Variants in RAB3IP observed in about 807,000 individuals in gnomAD.
RAB3IP encodes the protein rab-3A-interacting protein.
A neutral mutation model predicts 59.1 loss-of-function variants in RAB3IP; 36 were observed. The ratio of observed to expected loss-of-function variants is 0.61; its 90% CI spans 0.47 to 0.80. RAB3IP has a LOEUF of 0.80. Ranked by LOEUF, RAB3IP falls within the 30% of genes least tolerant of loss-of-function variation. The pLI, the probability that RAB3IP is intolerant of heterozygous loss-of-function variation, is 0.00. For missense variants in RAB3IP, 511 were observed against 536.0 expected, an observed-to-expected ratio of 0.95 and a Z score of 0.46; for synonymous variants, 207 against 191.2, an observed-to-expected ratio of 1.08 and a Z score of -0.68.
At chr12:69,742,916 C>G (rs1386770959) in intron 1 of RAB3IP, among the ~76,000 whole-genome samples, 1 of 152,148 alleles carries the variant, frequency 6.6e-6, no homozygotes, top group Non-Finnish European at 1.5e-5. Context: ...AATTAGATAA[C>G]TATAGCCGTA....
In RAB3IP at chr12:69,817,456, C is replaced by A. The variant is rs556667714; in HGVS notation, c.*2010C>A. 2.0e-5 allele frequency: 3 copies of A among 150,132 alleles called. No homozygotes were observed. The highest frequency in any genetic ancestry group is 1.9e-4 in the East Asian group (1 of 5,172). The allele number at this position is 150,132 out of a possible 1,614,324, so 9.3% of individuals were successfully genotyped here. ...AAACTGGAAGCAGGAAAAAAAAAAA[C>A]CATAAAAGATAACCATAAAAGAATA... is the stretch of plus-strand genomic sequence containing the variant. On this transcript the variant is annotated 3_prime_UTR_variant, in exon 11 of 11. Coordinates refer to ENST00000247833, the MANE Select transcript of RAB3IP (RefSeq NM_022456.5).
At chr12:69,811,024 G>T (rs7315712) in intron 8 of RAB3IP, among the ~76,000 whole-genome samples, 47,184 of 151,966 alleles carry the variant, frequency 0.31, 7,873 homozygotes, top group Non-Finnish European at 0.37. Flanking sequence ...TTTAAGAAAC[G>T]CTATACACCA....
chr12:69,739,636 G>A lies in RAB3IP; in HGVS notation c.-26+605G>A, dbSNP rs1887074396. 3 of 602,470 alleles carry A rather than the reference G, an allele frequency of 5.0e-6. No individual in the cohort carries two copies. The East Asian group carries it at 8.4e-5, about 17-fold the overall frequency. The allele number at this position is 602,470 out of a possible 1,614,324, so 37.3% of individuals were successfully genotyped here. On this transcript the variant is annotated intron_variant, in intron 1 of 10. Coordinates refer to ENST00000247833, the MANE Select transcript of RAB3IP (RefSeq NM_022456.5). ...GGTGAAACCTGGTGGGAAATTCCGG[G>A]CAGGCGCCCGGAGTCGCGCCCAAGT...
chr12:69,799,099 A>C (rs1440501139), intron 6 of RAB3IP, among the ~76,000 whole-genome samples: 1 of 152,236 alleles, frequency 6.6e-6, no homozygotes, highest in Admixed American at 6.5e-5. Flanking sequence ...CTTTGATTCA[A>C]GGAATTTATG....
intron 1 of RAB3IP, among the ~76,000 whole-genome samples, chr12:69,754,610 T>C (rs1402065066): frequency 6.6e-6 from 1 of 152,182 alleles, no homozygotes; most frequent in African/African-American, 2.4e-5. Context: ...TTGTAAATTC[T>C]TGAAAAATGC....
At chr12:69,781,773 G>T (rs1874763660) in intron 3 of RAB3IP, among the ~76,000 whole-genome samples, 1 of 152,166 alleles carries the variant, frequency 6.6e-6, no homozygotes, top group African/African-American at 2.4e-5. Context: ...CATTCACCTA[G>T]TAAAGGCCAT....
At chr12:69,751,434 A>G (rs1041454874) in intron 1 of RAB3IP, among the ~76,000 whole-genome samples, 3 of 152,122 alleles carry the variant, frequency 2.0e-5, no homozygotes, top group Non-Finnish European at 2.9e-5. Context: ...ATGGGTGCGC[A>G]TGGCTCCTGA....
At chr12:69,812,558 A>G in intron 8 of RAB3IP, 1 of 449,480 alleles carries the variant, frequency 2.2e-6, no homozygotes, top group Non-Finnish European at 3.9e-6. Flanking sequence ...AATCATGGTT[A>G]ATGTTATGGC....
intron 3 of RAB3IP, among the ~76,000 whole-genome samples, chr12:69,781,329 C>G (rs1196085191): frequency 6.6e-6 from 1 of 152,160 alleles, no homozygotes; most frequent in African/African-American, 2.4e-5. Context: ...TTAGCATTCC[C>G]TACCAGAGTG....
chr12:69,781,603 G>C (rs1451288359), intron 3 of RAB3IP, among the ~76,000 whole-genome samples: 7 of 152,150 alleles, frequency 4.6e-5, no homozygotes, highest in Non-Finnish European at 4.4e-5. Flanking sequence ...TTTCCAGATT[G>C]TCATAGAGTT....
intron 10 of RAB3IP, among the ~76,000 whole-genome samples, chr12:69,813,927 G>A (rs1043420275): frequency 6.6e-6 from 1 of 152,126 alleles, no homozygotes; most frequent in Non-Finnish European, 1.5e-5. Flanking sequence ...GGTCTGGTAT[G>A]TTGAAAAATG....
chr12:69,811,271 T>A (rs1880414334), intron 8 of RAB3IP, among the ~76,000 whole-genome samples: 2 of 152,118 alleles, frequency 1.3e-5, no homozygotes, highest in South Asian at 4.1e-4. Context: ...TCAGGAAGAA[T>A]AATGGATACT....
intron 1 of RAB3IP, chr12:69,739,934 T>C: frequency 6.5e-7 from 1 of 1,537,288 alleles, no homozygotes; most frequent in Non-Finnish European, 9.0e-7. Context: ...CAATTTAGTT[T>C]CATGGAAATG....
At chr12:69,791,212 C>CAT (rs1469805853) in intron 4 of RAB3IP, among the ~76,000 whole-genome samples, 1 of 152,092 alleles carries the variant, frequency 6.6e-6, no homozygotes, top group Non-Finnish European at 1.5e-5. Context: ...AAGACTTACA[C>CAT]ATAAGACCTG....
At chr12:69,780,092 T>C (rs113526839) in intron 3 of RAB3IP, among the ~76,000 whole-genome samples, 206 of 152,262 alleles carry the variant, frequency 1.4e-3, no homozygotes, top group African/African-American at 4.7e-3. Flanking sequence ...GATGACATGG[T>C]GCTCCAGCCA....
intron 1 of RAB3IP, among the ~76,000 whole-genome samples, chr12:69,750,042 A>G (rs1023679638): frequency 3.9e-5 from 6 of 152,368 alleles, no homozygotes; most frequent in South Asian, 2.1e-4. Context: ...CAGTGGAACA[A>G]TGGAGTGGCA....
intron 8 of RAB3IP, among the ~76,000 whole-genome samples, chr12:69,805,796 C>T (rs952595583): frequency 4.9e-4 from 74 of 152,196 alleles, no homozygotes; most frequent in African/African-American, 1.6e-3. Context: ...TGCTGGATTA[C>T]GTTTATTGAT....
rs535231822 is a variant in RAB3IP, at chr12:69,800,256, C to G, written c.936C>G (p.Pro312=). ...YNEFRLWKDE[P]TMDRTCPFLD... Reference sequence around the variant, plus strand: ...AATTCCGATTGTGGAAGGATGAGCCCACAATGGACAGGACGTGTCCTTTCT... The same window carrying G: ...AATTCCGATTGTGGAAGGATGAGCCGACAATGGACAGGACGTGTCCTTTCT... Residue 312 remains proline (P), a synonymous_variant, in exon 7 of 11, where the codon CCC becomes CCG. Coordinates refer to ENST00000247833, the MANE Select transcript of RAB3IP (RefSeq NM_022456.5). 7 of 1,590,342 alleles carry G rather than the reference C, an allele frequency of 4.4e-6. No homozygotes were observed. The highest frequency in any genetic ancestry group is 5.1e-6 in the Non-Finnish European group (6 of 1,169,584).
At chr12:69,795,387 G>A in intron 6 of RAB3IP, 43 bp downstream of exon 6, 1 of 1,497,586 alleles carries the variant, frequency 6.7e-7, no homozygotes, top group Non-Finnish European at 9.3e-7. Flanking sequence ...GTTGATACTT[G>A]TTAGTTCTCA....
Sources: allele counts gnomAD v4.1 joint callset (sites outside exome capture counted in the v4.1 genomes callset), GRCh38; gene constraint gnomAD v4.1.1; transcripts MANE v1.5; gene names NCBI Gene and HGNC (gene_info 2026-07-23, HGNC 2026-07-21).